Variants in PRKAR2B observed in about 807,000 individuals in gnomAD.
PRKAR2B encodes protein kinase cAMP-dependent type II regulatory subunit beta.
A neutral mutation model predicts 49.9 loss-of-function variants in PRKAR2B; 14 were observed. The ratio of observed to expected loss-of-function variants is 0.28; its 90% CI spans 0.19 to 0.44. The LOEUF is 0.44. Among genes scored for constraint, PRKAR2B ranks in the 20% least tolerant of loss-of-function variants. The pLI, the probability that PRKAR2B is intolerant of heterozygous loss-of-function variation, is 1.00. For missense variants in PRKAR2B, 393 were observed against 537.9 expected (o/e 0.73, Z 2.67); for synonymous variants, 196 against 197.7 (o/e 0.99, Z 0.07).
intron 1 of PRKAR2B, 55 bp downstream of exon 1, chr7:107,045,269 G>C: frequency 7.7e-7 from 1 of 1,299,272 alleles, no homozygotes; most frequent in Admixed American, 3.6e-5. Context: ...GCCCCCCACC[G>C]CTCCCCGCTG....
chr7:107,087,584 A>T (rs1226940953), intron 2 of PRKAR2B, among the ~76,000 whole-genome samples: 1 of 152,116 alleles, frequency 6.6e-6, no homozygotes, highest in East Asian at 1.9e-4. Flanking sequence ...TGATCCAGAG[A>T]GGTTAAGTCC....
chr7:107,108,668 A>G (rs1211568433), intron 2 of PRKAR2B, among the ~76,000 whole-genome samples: 1 of 152,230 alleles, frequency 6.6e-6, no homozygotes, highest in Non-Finnish European at 1.5e-5. Flanking sequence ...GTCACCAGGA[A>G]TGATGATTGG....
At chr7:107,071,962 G>A (rs185912318) in intron 2 of PRKAR2B, among the ~76,000 whole-genome samples, 17 of 151,800 alleles carry the variant, frequency 1.1e-4, no homozygotes, top group African/African-American at 3.9e-4. Flanking sequence ...CCAGCTACTC[G>A]GGAGGCTGAG....
At chr7:107,091,684 T>C (rs1206227462) in intron 2 of PRKAR2B, 5 of 152,178 alleles carry the variant, frequency 3.3e-5, no homozygotes, top group Admixed American at 2.6e-4. Flanking sequence ...TTCTAGTGCT[T>C]ACAAGGAAAA....
chr7:107,118,999 C>A (rs1795340428), intron 2 of PRKAR2B, among the ~76,000 whole-genome samples: 1 of 152,130 alleles, frequency 6.6e-6, no homozygotes, highest in African/African-American at 2.4e-5. Flanking sequence ...CAGAAACAGA[C>A]AAACACACTA....
chr7:107,154,461 A>C (rs1796043848), intron 8 of PRKAR2B, among the ~76,000 whole-genome samples: 1 of 152,200 alleles, frequency 6.6e-6, no homozygotes, highest in Non-Finnish European at 1.5e-5. Context: ...GATTCAGAAC[A>C]CTCGAAAACT....
At chr7:107,083,858 G>A (rs997867682) in intron 2 of PRKAR2B, among the ~76,000 whole-genome samples, 1 of 152,078 alleles carries the variant, frequency 6.6e-6, no homozygotes, top group Non-Finnish European at 1.5e-5. Flanking sequence ...TGATCCACCT[G>A]CCTCAGCCTC....
At chr7:107,143,121 C>G (rs1284406154) in intron 5 of PRKAR2B, among the ~76,000 whole-genome samples, 1 of 152,188 alleles carries the variant, frequency 6.6e-6, no homozygotes, top group Non-Finnish European at 1.5e-5. Flanking sequence ...ACTGATAGCT[C>G]ATTTTACTTC....
rs1794238301 is a variant in PRKAR2B at position 107,070,294 on chromosome 7, C to T, written c.321C>T (p.Asn107=). The stretch of plus-strand genomic sequence containing the variant: ...TTTTTCTTTTAGCTCCAGTAATAAA[C>T]CGATTCACAAGGCGTGCCTCAGGTA... ...DAGAFNAPVI[N]RFTRRASVCA... The change falls in exon 2 of 11, where the codon AAC becomes AAT. Residue 107 remains asparagine, a synonymous_variant. Transcript: ENST00000265717. The T allele has an allele frequency of 1.9e-6, 3 of 1,607,418 alleles. No individual in the cohort carries two copies. The highest frequency in any genetic ancestry group is 8.5e-7 in the Non-Finnish European group (1 of 1,175,514).
At chr7:107,122,107 A>G in intron 3 of PRKAR2B, 103 bp downstream of exon 3, 1 of 649,646 alleles carries the variant, frequency 1.5e-6, no homozygotes, top group East Asian at 3.1e-5. Context: ...TTAACAGGAG[A>G]CATAATGGAA....
At chr7:107,106,809 C>T (rs965904138) in intron 2 of PRKAR2B, among the ~76,000 whole-genome samples, 12 of 152,022 alleles carry the variant, frequency 7.9e-5, no homozygotes, top group Middle Eastern at 6.8e-3. Context: ...CGAGGGGGCT[C>T]CCAGGGGAGA....
At chr7:107,116,955 G>A (rs10235621) in intron 2 of PRKAR2B, among the ~76,000 whole-genome samples, 93,719 of 142,134 alleles carry the variant, frequency 0.66, 30,776 homozygotes, top group African/African-American at 0.68. Context: ...GTGTGTGTGT[G>A]TATATATATA....
chr7:107,115,920 C>A (rs1240798125), intron 2 of PRKAR2B, among the ~76,000 whole-genome samples: 1 of 152,158 alleles, frequency 6.6e-6, no homozygotes, highest in East Asian at 1.9e-4. Flanking sequence ...GGTGGCCTTC[C>A]AAATTGCAGA....
At chr7:107,115,684 G>C (rs2115568502) in intron 2 of PRKAR2B, among the ~76,000 whole-genome samples, 1 of 152,298 alleles carries the variant, frequency 6.6e-6, no homozygotes, top group South Asian at 2.1e-4. Context: ...GAGAATAAGA[G>C]AGAGAGAAAC....
intron 1 of PRKAR2B, among the ~76,000 whole-genome samples, chr7:107,065,590 A>G (rs890493141): frequency 2.6e-5 from 4 of 152,184 alleles, no homozygotes; most frequent in Admixed American, 2.6e-4. Flanking sequence ...CTTTGAAGCC[A>G]TTGTATTTGA....
chr7:107,101,305 G>T (rs1313488351), intron 2 of PRKAR2B, among the ~76,000 whole-genome samples: 2 of 152,060 alleles, frequency 1.3e-5, no homozygotes, highest in Non-Finnish European at 2.9e-5. Flanking sequence ...ACCAGTGGTT[G>T]GTCAGATTAT....
At chr7:107,100,478 CA>C (rs1416153218) in intron 2 of PRKAR2B, among the ~76,000 whole-genome samples, 1 of 152,090 alleles carries the variant, frequency 6.6e-6, no homozygotes, top group East Asian at 1.9e-4. Flanking sequence ...GTATGGATTT[CA>C]TTGTGTTTAT....
rs370110222 is a variant in PRKAR2B, at chr7:107,125,672, T to C, written c.397-2540T>C. Among the ~76,000 whole-genome samples, 16 of 152,088 alleles carry C rather than the reference T, an allele frequency of 1.1e-4. No homozygotes were observed. The East Asian group carries it at 2.9e-3, about 28-fold the overall frequency. ...GTGAAGAGGGATTTTACCGACGAGGTTAATTACAGAGAGTGGACTCTGAGT... is the reference window on the plus strand; with the variant it reads ...GTGAAGAGGGATTTTACCGACGAGGCTAATTACAGAGAGTGGACTCTGAGT... On this transcript the variant is annotated intron_variant, in intron 3 of 10. Coordinates refer to ENST00000265717, the MANE Select transcript of PRKAR2B (RefSeq NM_002736.3).
chr7:107,157,350 T>C (rs752520833), intron 10 of PRKAR2B, 26 bp downstream of exon 10: 1 of 1,596,160 alleles, frequency 6.3e-7, no homozygotes, highest in Admixed American at 1.8e-5. Flanking sequence ...GTGGGCGTGC[T>C]TCTGCTGGTT....
Sources: allele counts gnomAD v4.1 joint callset (sites outside exome capture counted in the v4.1 genomes callset), GRCh38; gene constraint gnomAD v4.1.1; transcripts MANE v1.5; gene names NCBI Gene and HGNC (gene_info 2026-07-23, HGNC 2026-07-21).